The following EMID1 variants were observed in gnomAD, a reference collection of about 807,000 sequenced individuals.
EMID1 encodes EMI domain containing 1.
In EMID1, 40 loss-of-function variants were observed where a neutral mutation model predicts 60.6. The observed-to-expected ratio is 0.66, with a 90% CI of 0.51 to 0.86. The LOEUF is 0.86. Among genes scored for constraint, EMID1 ranks in the 40% least tolerant of loss-of-function variants. EMID1 has a pLI of 0.00. For missense variants in EMID1, 585 were observed against 597.1 expected (o/e 0.98, Z 0.21); for synonymous variants, 242 against 231.0 (o/e 1.05, Z -0.43).
At chr22:29,258,078 T>C (rs1164969433) in intron 14 of EMID1, among the ~76,000 whole-genome samples, 1 of 152,192 alleles carries the variant, frequency 6.6e-6, no homozygotes, top group Non-Finnish European at 1.5e-5. Flanking sequence ...AGAACCCAAG[T>C]ATCTGTCCTA....
intron 14 of EMID1, among the ~76,000 whole-genome samples, chr22:29,257,970 G>A (rs567485608): frequency 3.3e-5 from 5 of 152,334 alleles, no homozygotes; most frequent in African/African-American, 1.2e-4. Flanking sequence ...AGAGGTGCAG[G>A]GCAGGCTGGG....
At chr22:29,235,440 T>C (rs771024113) in intron 12 of EMID1, among the ~76,000 whole-genome samples, 2 of 152,218 alleles carry the variant, frequency 1.3e-5, no homozygotes, top group Non-Finnish European at 2.9e-5. Context: ...TTTAATGATA[T>C]GTATAATTGA....
chr22:29,248,227 A>G (rs1319676423), intron 13 of EMID1, among the ~76,000 whole-genome samples: 2 of 146,516 alleles, frequency 1.4e-5, no homozygotes, highest in Non-Finnish European at 1.5e-5. Flanking sequence ...CCAAAGTGCT[A>G]GGATTCCAGG....
At chr22:29,222,736 T>C (rs1216446287) in intron 3 of EMID1, among the ~76,000 whole-genome samples, 1 of 152,184 alleles carries the variant, frequency 6.6e-6, no homozygotes, top group Non-Finnish European at 1.5e-5. Context: ...GTTTCTGCCT[T>C]ATATTTGGTT....
At chr22:29,207,266 G>A (rs59016854) in intron 1 of EMID1, among the ~76,000 whole-genome samples, 1,537 of 152,318 alleles carry the variant, frequency 0.01, 23 homozygotes, top group African/African-American at 0.035. Context: ...GTGGACGTGT[G>A]GCAGATGTTA....
At position 29,234,346 on chromosome 22, in the gene EMID1, G is replaced by A. The variant is rs1383770985; in HGVS notation, c.1071G>A (p.Gln357=). ...CTGGCCCCCAAGGCTCTGCTGGGCA[G>A]CGGGTAAGTGTTGCTGTCTGTCCCG... ...GEPGPQGSAG[Q]RGEPGPKGDP... The change falls in exon 12 of 15, where the codon CAG becomes CAA. Residue 357 remains glutamine (Q), a synonymous_variant. Transcript: ENST00000334018. The A allele has an allele frequency of 6.2e-7, 1 of 1,613,706 alleles. No homozygotes were observed. Among genetic ancestry groups the A allele is most frequent in the Non-Finnish European group, 8.5e-7 (1 of 1,179,948 alleles).
At chr22:29,237,234 G>T (rs1167351762) in intron 12 of EMID1, among the ~76,000 whole-genome samples, 2 of 142,954 alleles carry the variant, frequency 1.4e-5, no homozygotes, top group Admixed American at 1.4e-4. Context: ...CCAGGCTGTA[G>T]TGCAGTGGTG....
intron 12 of EMID1, among the ~76,000 whole-genome samples, chr22:29,240,954 C>T (rs1329139361): frequency 2.6e-5 from 4 of 152,222 alleles, no homozygotes; most frequent in Non-Finnish European, 5.9e-5. Context: ...CTGAGTCAGG[C>T]TTTGTTCAGA....
At chr22:29,216,812 G>C (rs991267782) in intron 3 of EMID1, among the ~76,000 whole-genome samples, 1 of 152,242 alleles carries the variant, frequency 6.6e-6, no homozygotes, top group Non-Finnish European at 1.5e-5. Flanking sequence ...TCTGACATGG[G>C]GTAGAGGAGT....
At chr22:29,220,084 C>T (rs1252517332) in intron 3 of EMID1, among the ~76,000 whole-genome samples, 3 of 152,108 alleles carry the variant, frequency 2.0e-5, no homozygotes, top group Non-Finnish European at 4.4e-5. Flanking sequence ...CTGCCTCCTC[C>T]ACTCTCTCAG....
intron 12 of EMID1, among the ~76,000 whole-genome samples, chr22:29,239,692 C>G (rs147280975): frequency 3.4e-4 from 52 of 151,898 alleles, no homozygotes; most frequent in African/African-American, 1.1e-3. Flanking sequence ...AGTAGATAGG[C>G]CTTTAGTAAT....
rs2040516973 is a variant in EMID1 at position 29,226,539 on chromosome 22, G to A, written c.453G>A (p.Val151=). Reference sequence around the variant, plus strand: ...CAGAGCTGACAGAGCGGCTGAAGGTGCTGGAGGCCAAGGTGGGTGAGCAGC... The same window carrying A: ...CAGAGCTGACAGAGCGGCTGAAGGTACTGGAGGCCAAGGTGGGTGAGCAGC... The part of the protein sequence containing the change: ...KVSELTERLK[V]LEAKMTMLTV... Residue 151 remains valine (V), a synonymous_variant, in exon 5 of 15, where the codon GTG becomes GTA. Coordinates refer to ENST00000334018, the MANE Select transcript of EMID1 (RefSeq NM_133455.4). The A allele has an allele frequency of 1.2e-6, 2 of 1,612,170 alleles. No individual in the cohort carries two copies. Among genetic ancestry groups the A allele is most frequent in the Non-Finnish European group, 1.7e-6 (2 of 1,179,228 alleles).
intron 2 of EMID1, 61 bp downstream of exon 2, chr22:29,215,100 C>G: frequency 6.7e-7 from 1 of 1,481,628 alleles, no homozygotes; most frequent in African/African-American, 1.4e-5. Context: ...TGGGCAAAGG[C>G]CTGGTTGGGG....
At chr22:29,214,149 A>G (rs132379) in intron 1 of EMID1, among the ~76,000 whole-genome samples, 133,549 of 152,238 alleles carry the variant, frequency 0.88, 59,187 homozygotes, top group Non-Finnish European at 0.94. Flanking sequence ...CAGCCATTCC[A>G]CGGAGGGGAC....
intron 4 of EMID1, 87 bp from the exon 5 acceptor site, chr22:29,226,403 C>T (rs2040510850): frequency 2.1e-6 from 3 of 1,456,998 alleles, no homozygotes; most frequent in East Asian, 4.9e-5. Context: ...CTGACGCTTT[C>T]CTCCATCCCA....
At chr22:29,246,606 G>A (rs545691639) in intron 13 of EMID1, among the ~76,000 whole-genome samples, 3 of 152,274 alleles carry the variant, frequency 2.0e-5, no homozygotes, top group Non-Finnish European at 4.4e-5. Flanking sequence ...GAAGCAAGCA[G>A]GCTGAGTTTT....
In EMID1 at chr22:29,259,037, T is replaced by C; in HGVS notation, c.*93T>C. 2.6e-6 allele frequency: 4 copies of C among 1,525,276 alleles called. No individual in the cohort carries two copies. Among genetic ancestry groups the C allele is most frequent in the Non-Finnish European group, 3.5e-6 (4 of 1,137,316 alleles). 94.5% of individuals were successfully genotyped at this position (1,525,276 alleles called of 1,614,324 possible). On this transcript the variant is annotated 3_prime_UTR_variant, in exon 15 of 15. Transcript: ENST00000334018. Reference sequence around the variant, plus strand: ...TCCAGGGACCGCCCGTCCATATTTATTAATGTCCTCAGGGTCCCTTCTGCC... The same window carrying C: ...TCCAGGGACCGCCCGTCCATATTTACTAATGTCCTCAGGGTCCCTTCTGCC...
intron 1 of EMID1, among the ~76,000 whole-genome samples, chr22:29,206,735 G>A (rs947764760): frequency 1.3e-5 from 2 of 152,094 alleles, no homozygotes; most frequent in African/African-American, 2.4e-5. Context: ...TTACGGAGGA[G>A]CTCCCAGAAC....
chr22:29,207,096 C>T (rs1463142828), intron 1 of EMID1, among the ~76,000 whole-genome samples: 2 of 152,240 alleles, frequency 1.3e-5, no homozygotes, highest in East Asian at 1.9e-4. Flanking sequence ...CCACCCCCTA[C>T]GGCCTCAATT....
Sources: allele counts gnomAD v4.1 joint callset (sites outside exome capture counted in the v4.1 genomes callset), GRCh38; gene constraint gnomAD v4.1.1; transcripts MANE v1.5; gene names NCBI Gene and HGNC (gene_info 2026-07-23, HGNC 2026-07-21).